The following TTC3 variants were observed in gnomAD, a reference collection of about 807,000 sequenced individuals.
The protein encoded by TTC3 is E3 ubiquitin-protein ligase TTC3.
TTC3 carries 180 observed loss-of-function variants against 249.6 expected under a neutral mutation model. That is an observed-to-expected ratio of 0.72 (90% CI 0.64 to 0.82). The LOEUF is 0.82. Among genes scored for constraint, TTC3 ranks in the 40% least tolerant of loss-of-function variants. The probability of loss-of-function intolerance (pLI) is 0.00; values close to 1 mark genes in which losing one functional copy is unlikely to be tolerated. For missense variants in TTC3, 2,061 were observed against 2,398.4 expected (o/e 0.86, Z 2.94); for synonymous variants, 717 against 805.0 (o/e 0.89, Z 1.85).
At chr21:37,171,731 A>G (rs2081813410) in intron 34 of TTC3, among the ~76,000 whole-genome samples, 1 of 152,242 alleles carries the variant, frequency 6.6e-6, no homozygotes, top group African/African-American at 2.4e-5. Flanking sequence ...ACAAAGTGGC[A>G]TGCTCCAAGG....
chr21:37,128,955 T>C lies in TTC3; in HGVS notation c.1298-48T>C, dbSNP rs200189887. 3,114 of 1,400,834 alleles carry C rather than the reference T, an allele frequency of 2.2e-3. 10 individuals carry two copies. Among genetic ancestry groups the C allele is most frequent in the Non-Finnish European group, 2.8e-3 (2,868 of 1,030,068 alleles). The allele number at this position is 1,400,834 out of a possible 1,614,324, so 86.8% of individuals were successfully genotyped here. On this transcript the variant is annotated intron_variant, in intron 15 of 45. Transcript: ENST00000355666. ...AAAAATAGTTTTACTCTCAGGCTTGTAGATTTTTATGTACAGATTTTAGGA... is the reference window on the plus strand; with the variant it reads ...AAAAATAGTTTTACTCTCAGGCTTGCAGATTTTTATGTACAGATTTTAGGA...
intron 39 of TTC3, among the ~76,000 whole-genome samples, chr21:37,188,824 T>C (rs980875637): frequency 3.3e-5 from 5 of 152,206 alleles, no homozygotes; most frequent in Non-Finnish European, 5.9e-5. Flanking sequence ...ATGAAGTGTT[T>C]GAAAAAATGA....
intron 35 of TTC3, among the ~76,000 whole-genome samples, chr21:37,180,784 G>GA (rs944127998): frequency 1.3e-4 from 16 of 123,962 alleles, no homozygotes; most frequent in South Asian, 7.4e-4. Context: ...TTTATAAGGA[G>GA]AAAAAAAAAA....
At chr21:37,158,000 A>T (rs2080279388) in intron 28 of TTC3, 1 of 337,242 alleles carries the variant, frequency 3.0e-6, no homozygotes. Context: ...GTACATTAAA[A>T]GGTCTGGCCT....
chr21:37,157,034 G>A, intron 28 of TTC3, 128 bp downstream of exon 28: 1 of 1,387,276 alleles, frequency 7.2e-7, no homozygotes. Flanking sequence ...ATCAGTTTAT[G>A]TGGGGAAGTT....
chr21:37,106,451 G>A (rs901147475), intron 10 of TTC3, among the ~76,000 whole-genome samples: 6 of 152,004 alleles, frequency 3.9e-5, no homozygotes, highest in East Asian at 1.9e-4. Context: ...AGCTCTTTTT[G>A]TGTTCTGTTT....
exon 33 of TTC3, chr21:37,166,296 T>C: frequency 6.2e-7 from 1 of 1,614,220 alleles, no homozygotes; most frequent in Non-Finnish European, 8.5e-7. Context: ...GAATATCAGC[T>C]ACCAAGATCA....
At chr21:37,155,228 C>T (rs979605166) in intron 27 of TTC3, among the ~76,000 whole-genome samples, 5 of 151,506 alleles carry the variant, frequency 3.3e-5, no homozygotes, top group Admixed American at 6.6e-5. Flanking sequence ...GGACTTACAT[C>T]ATGCACATAT....
chr21:37,074,614 G>A (rs965084964), intron 1 of TTC3, among the ~76,000 whole-genome samples: 1 of 152,088 alleles, frequency 6.6e-6, no homozygotes, highest in Non-Finnish European at 1.5e-5. Context: ...TTACTCCTCC[G>A]GAGAGAGCCT....
intron 35 of TTC3, among the ~76,000 whole-genome samples, chr21:37,179,423 C>T (rs1032167463): frequency 6.6e-6 from 1 of 152,182 alleles, no homozygotes; most frequent in Non-Finnish European, 1.5e-5. Context: ...TGCCTTTTCA[C>T]TTTCCTAATG....
intron 13 of TTC3, 39 bp from the exon 14 acceptor site, chr21:37,124,580 T>C (rs2076908903): frequency 1.9e-6 from 3 of 1,596,686 alleles, no homozygotes; most frequent in Admixed American, 1.8e-5. Flanking sequence ...AGGATAACTT[T>C]CAAAAAATGT....
At chr21:37,202,496 C>T (rs1419790288) in exon 46 of TTC3, 3 of 152,274 alleles carry the variant, frequency 2.0e-5, no homozygotes, top group African/African-American at 7.2e-5. Flanking sequence ...TCCTTCCCCA[C>T]CCCACCACAA....
At chr21:37,103,720 G>A (rs2074761030) in intron 10 of TTC3, among the ~76,000 whole-genome samples, 1 of 152,210 alleles carries the variant, frequency 6.6e-6, no homozygotes, top group Non-Finnish European at 1.5e-5. Flanking sequence ...AGCAAAAACA[G>A]CCTCTGTGTT....
Position 37,093,992 on chromosome 21 carries a change from A to C in TTC3, c.602-13A>C. The C allele has an allele frequency of 6.4e-7, 1 of 1,554,434 alleles. No homozygotes were observed. The highest frequency in any genetic ancestry group is 8.8e-7 in the Non-Finnish European group (1 of 1,133,764). ...AATGTTCTCTCTTGCTCTCTCCTAA[A>C]AATAAAATTTAGACAAGTACCACAT... On this transcript the variant is annotated splice_polypyrimidine_tract_variant and intron_variant, in intron 7 of 45. Coordinates refer to ENST00000355666, the Ensembl canonical transcript of TTC3.
intron 31 of TTC3, among the ~76,000 whole-genome samples, chr21:37,163,569 C>T (rs1447919203): frequency 7.2e-5 from 11 of 152,080 alleles, no homozygotes; most frequent in South Asian, 2.1e-4. Context: ...AGGCTGATCT[C>T]GAACTCCTGA....
In TTC3 at chr21:37,076,082, A is replaced by C. The variant is rs180843232; in HGVS notation, c.-12+2718A>C. Among the ~76,000 whole-genome samples, 142 of 152,310 alleles carry C rather than the reference A, an allele frequency of 9.3e-4. 1 individual carries two copies. The highest frequency in any genetic ancestry group is 1.6e-3 in the Non-Finnish European group (108 of 68,022). On this transcript the variant is annotated intron_variant, in intron 1 of 45. Coordinates refer to ENST00000355666, the Ensembl canonical transcript of TTC3. Reference sequence around the variant, plus strand: ...ACTTCCAGAGGTGACTACCATCCTGAATTGTGTATATTATGCCTTGTTTTT... The same window carrying C: ...ACTTCCAGAGGTGACTACCATCCTGCATTGTGTATATTATGCCTTGTTTTT...
At chr21:37,120,878 TG>T (rs1208367802) in intron 11 of TTC3, among the ~76,000 whole-genome samples, 2 of 152,214 alleles carry the variant, frequency 1.3e-5, no homozygotes, top group Non-Finnish European at 2.9e-5. Flanking sequence ...CTTTGTGAAA[TG>T]TGTAGTGAAG....
intron 23 of TTC3, 127 bp from the exon 24 acceptor site, chr21:37,149,951 C>A: frequency 3.0e-6 from 2 of 656,856 alleles, no homozygotes; most frequent in Non-Finnish European, 2.5e-6. Context: ...AGGATTTTCA[C>A]CACTTGCCTG....
At chr21:37,170,509 T>A (rs963670337) in intron 34 of TTC3, among the ~76,000 whole-genome samples, 3 of 152,202 alleles carry the variant, frequency 2.0e-5, no homozygotes, top group African/African-American at 7.2e-5. Flanking sequence ...GCCAAGGGGA[T>A]TTGTATGTTT....
Sources: allele counts gnomAD v4.1 joint callset (sites outside exome capture counted in the v4.1 genomes callset), GRCh38; gene constraint gnomAD v4.1.1; transcripts MANE v1.5; gene names NCBI Gene and HGNC (gene_info 2026-07-23, HGNC 2026-07-21).